Variants in KLHL1 observed in about 807,000 individuals in gnomAD.
KLHL1 encodes kelch-like protein 1.
KLHL1 carries 47 observed loss-of-function variants against 77.7 expected under a neutral mutation model. The observed-to-expected ratio is 0.60, with a 90% CI of 0.48 to 0.77. KLHL1 has a LOEUF of 0.77. Ranked by LOEUF, KLHL1 falls within the 30% of genes least tolerant of loss-of-function variation. The pLI, the probability that KLHL1 is intolerant of heterozygous loss-of-function variation, is 0.00. For synonymous variants in KLHL1, 360 were observed against 325.2 expected, an observed-to-expected ratio of 1.11 and a Z score of -1.15; for missense variants, 925 against 910.8, an observed-to-expected ratio of 1.02 and a Z score of -0.20.
chr13:69,977,312 T>C (rs1006281785), intron 1 of KLHL1, among the ~76,000 whole-genome samples: 1 of 151,962 alleles, frequency 6.6e-6, no homozygotes, highest in African/African-American at 2.4e-5. Flanking sequence ...TTAATATAGA[T>C]AATAAGCTGG....
intron 6 of KLHL1, among the ~76,000 whole-genome samples, chr13:69,819,433 G>T (rs1031627755): frequency 9.2e-5 from 14 of 152,014 alleles, no homozygotes; most frequent in Non-Finnish European, 2.1e-4. Flanking sequence ...AAGAATTAAA[G>T]CTTCTCACTT....
chr13:69,940,356 C>A, intron 3 of KLHL1, 120 bp from the exon 4 acceptor site: 1 of 657,132 alleles, frequency 1.5e-6, no homozygotes. Context: ...GATTGGTAAT[C>A]AAGATAAATA....
chr13:69,818,990 TTGTAAG>T (rs1878233827), intron 6 of KLHL1, among the ~76,000 whole-genome samples: 1 of 152,356 alleles, frequency 6.6e-6, no homozygotes, highest in East Asian at 1.9e-4. Flanking sequence ...TGACAGAGAA[TTGTAAG>T]TGTATCATTT....
intron 4 of KLHL1, among the ~76,000 whole-genome samples, chr13:69,909,415 G>A (rs1654415392): frequency 6.6e-6 from 1 of 151,716 alleles, no homozygotes; most frequent in Non-Finnish European, 1.5e-5. Flanking sequence ...AATCACAAAA[G>A]AGGCTAAAAC....
At chr13:69,720,184 T>G (rs9529625) in intron 8 of KLHL1, among the ~76,000 whole-genome samples, 1 of 152,014 alleles carries the variant, frequency 6.6e-6, no homozygotes, top group East Asian at 1.9e-4. Context: ...TGAAGTTTAC[T>G]TGATACACTC....
At chr13:69,956,070 T>C (rs1306318290) in intron 3 of KLHL1, among the ~76,000 whole-genome samples, 1 of 140,036 alleles carries the variant, frequency 7.1e-6, no homozygotes, top group Non-Finnish European at 1.5e-5. Flanking sequence ...TATATATTTA[T>C]TTGATATATA....
At chr13:69,933,618 TA>T (rs1436098509) in intron 4 of KLHL1, among the ~76,000 whole-genome samples, 1 of 152,132 alleles carries the variant, frequency 6.6e-6, no homozygotes, top group African/African-American at 2.4e-5. Context: ...AAAGGGCAGC[TA>T]CTCTTACACT....
intron 1 of KLHL1, among the ~76,000 whole-genome samples, chr13:70,001,367 A>G (rs1885282764): frequency 6.6e-6 from 1 of 151,008 alleles, no homozygotes; most frequent in South Asian, 2.1e-4. Flanking sequence ...CTCATTAAAG[A>G]AAAAAAATAG....
At chr13:69,904,578 C>G in intron 4 of KLHL1, among the ~76,000 whole-genome samples, 1 of 152,256 alleles carries the variant, frequency 6.6e-6, no homozygotes, top group East Asian at 1.9e-4. Context: ...ATTAGTAACT[C>G]ATTTTTATAC....
chr13:70,068,431 A>G (rs1037368539), intron 1 of KLHL1, among the ~76,000 whole-genome samples: 3 of 152,236 alleles, frequency 2.0e-5, no homozygotes, highest in African/African-American at 7.2e-5. Context: ...TTATGATTTT[A>G]TTAGGACCTG....
chr13:69,768,926 A>G (rs1358737688), intron 7 of KLHL1, among the ~76,000 whole-genome samples: 1 of 152,222 alleles, frequency 6.6e-6, no homozygotes, highest in Non-Finnish European at 1.5e-5. Context: ...TATACCATCA[A>G]TGATATTTTA....
chr13:69,769,535 T>C (rs1384526402), intron 7 of KLHL1, among the ~76,000 whole-genome samples: 3 of 152,086 alleles, frequency 2.0e-5, no homozygotes, highest in African/African-American at 7.2e-5. Flanking sequence ...AGTCTGTGAC[T>C]GGAGTGAGAA....
intron 1 of KLHL1, among the ~76,000 whole-genome samples, chr13:70,014,444 A>G (rs1885608452): frequency 6.6e-6 from 1 of 152,166 alleles, no homozygotes; most frequent in African/African-American, 2.4e-5. Flanking sequence ...GGTGCAGTCC[A>G]TAATAAGTAT....
intron 5 of KLHL1, among the ~76,000 whole-genome samples, chr13:69,870,230 G>GTTTAAGGGAT: frequency 6.6e-6 from 1 of 152,138 alleles, no homozygotes; most frequent in Non-Finnish European, 1.5e-5. Flanking sequence ...TTTAAGGGGA[G>GTTTAAGGGAT]CCAGCTGGTG....
intron 6 of KLHL1, among the ~76,000 whole-genome samples, chr13:69,825,608 T>C (rs1329628507): frequency 1.3e-5 from 2 of 152,052 alleles, no homozygotes; most frequent in Non-Finnish European, 2.9e-5. Flanking sequence ...GAGAGCTGGG[T>C]GGATGGGACT....
chr13:69,774,547 T>C (rs1341744558), intron 7 of KLHL1, among the ~76,000 whole-genome samples: 1 of 152,036 alleles, frequency 6.6e-6, no homozygotes, highest in African/African-American at 2.4e-5. Flanking sequence ...TTTCCTTTTA[T>C]CTCAAAGTTT....
intron 1 of KLHL1, among the ~76,000 whole-genome samples, chr13:70,099,184 T>C (rs1299627201): frequency 6.6e-6 from 1 of 151,902 alleles, no homozygotes; most frequent in African/African-American, 2.4e-5. Flanking sequence ...CAAATTTTTG[T>C]AAATTGCACT....
intron 7 of KLHL1, among the ~76,000 whole-genome samples, chr13:69,744,440 T>G (rs1874116047): frequency 6.6e-6 from 1 of 151,782 alleles, no homozygotes; most frequent in Admixed American, 6.6e-5. Flanking sequence ...TTGTTTTTCT[T>G]AATTGCTGAG....
intron 8 of KLHL1, among the ~76,000 whole-genome samples, chr13:69,724,827 A>G (rs574008318): frequency 3.0e-4 from 45 of 152,298 alleles, no homozygotes; most frequent in African/African-American, 1.0e-3. Context: ...TTGGATAGGA[A>G]GAAATGGCCT....
Sources: allele counts gnomAD v4.1 joint callset (sites outside exome capture counted in the v4.1 genomes callset), GRCh38; gene constraint gnomAD v4.1.1; transcripts MANE v1.5; gene names NCBI Gene and HGNC (gene_info 2026-07-23, HGNC 2026-07-21).